The following SLC26A7 variants were observed in gnomAD, a reference collection of about 807,000 sequenced individuals.
SLC26A7 encodes the protein anion exchange transporter.
In SLC26A7, 59 loss-of-function variants were observed where a neutral mutation model predicts 82.5. The observed-to-expected ratio is 0.72, with a 90% confidence interval of 0.58 to 0.89. The LOEUF (loss-of-function observed/expected upper bound fraction) is 0.89, where lower values mean the gene tolerates loss of function less well. Among genes scored for constraint, SLC26A7 ranks in the 40% least tolerant of loss-of-function variants. The pLI, the probability that SLC26A7 is intolerant of heterozygous loss-of-function variation, is 0.00. For synonymous variants in SLC26A7, 271 were observed against 274.3 expected (o/e 0.99, Z 0.12); for missense variants, 820 against 793.0 (o/e 1.03, Z -0.41).
intron 15 of SLC26A7, among the ~76,000 whole-genome samples, chr8:91,386,644 T>C (rs1269952371): frequency 6.6e-6 from 1 of 152,202 alleles, no homozygotes; most frequent in Non-Finnish European, 1.5e-5. Flanking sequence ...AGCAGTGATA[T>C]GCTGGTGAAT....
chr8:91,305,261 T>C (rs1812274158), intron 4 of SLC26A7, among the ~76,000 whole-genome samples: 1 of 152,038 alleles, frequency 6.6e-6, no homozygotes, highest in African/African-American at 2.4e-5. Flanking sequence ...CACCGGAAGA[T>C]AGGGAATGTG....
At chr8:91,264,181 C>G (rs1811046892) in intron 2 of SLC26A7, among the ~76,000 whole-genome samples, 1 of 152,070 alleles carries the variant, frequency 6.6e-6, no homozygotes, top group African/African-American at 2.4e-5. Flanking sequence ...AGGAATCCAC[C>G]TATCACAGGA....
At chr8:91,297,924 G>A (rs1812058637) in intron 4 of SLC26A7, among the ~76,000 whole-genome samples, 1 of 151,966 alleles carries the variant, frequency 6.6e-6, no homozygotes. Flanking sequence ...GAATTATTTA[G>A]GTTAATAAGA....
chr8:91,394,894 G>A, intron 18 of SLC26A7, 168 bp from the exon 19 acceptor site: 1 of 398,754 alleles, frequency 2.5e-6, no homozygotes, highest in Non-Finnish European at 3.4e-6. Context: ...TCAGCAGTTT[G>A]AGTTTGGACC....
intron 2 of SLC26A7, among the ~76,000 whole-genome samples, chr8:91,242,259 T>G (rs1353861046): frequency 2.6e-5 from 4 of 152,204 alleles, no homozygotes; most frequent in Non-Finnish European, 4.4e-5. Context: ...TTTCAGTAAT[T>G]ACTTTGATAT....
chr8:91,273,444 G>A (rs1586348805), intron 2 of SLC26A7, among the ~76,000 whole-genome samples: 1 of 152,312 alleles, frequency 6.6e-6, no homozygotes, highest in Admixed American at 6.5e-5. Flanking sequence ...GAAGAGCGAG[G>A]TGAGAAGATA....
Position 91,303,369 on chromosome 8 carries a change from C to T in SLC26A7, c.477+7666C>T, listed in dbSNP as rs148231423. ...TCTGGGATTGTCCCTTGCCCATTCA[C>T]CTCTGGAAATTTTCCCAAGCTCTAC... On this transcript the variant is annotated intron_variant, in intron 4 of 18. Transcript: ENST00000276609. 3.0e-3 allele frequency among the ~76,000 whole-genome samples: 453 copies of T among 152,262 alleles called. 5 individuals are homozygous for T. Among genetic ancestry groups the T allele is most frequent in the African/African-American group, 0.01 (436 of 41,552 alleles).
chr8:91,375,433 G>A (rs1814483524), intron 15 of SLC26A7, among the ~76,000 whole-genome samples: 1 of 151,930 alleles, frequency 6.6e-6, no homozygotes, highest in Non-Finnish European at 1.5e-5. Context: ...TGGTCTGGTT[G>A]TCCTTAGCAT....
At chr8:91,310,065 T>C (rs1483374265) in intron 4 of SLC26A7, among the ~76,000 whole-genome samples, 1 of 152,000 alleles carries the variant, frequency 6.6e-6, no homozygotes, top group East Asian at 1.9e-4. Flanking sequence ...CTTCTATCTG[T>C]TGGGAGACTT....
chr8:91,275,949 A>G (rs932363290), intron 2 of SLC26A7, among the ~76,000 whole-genome samples: 1 of 152,140 alleles, frequency 6.6e-6, no homozygotes, highest in Non-Finnish European at 1.5e-5. Flanking sequence ...GCTATTGCAC[A>G]CTTATCCTCT....
At chr8:91,279,123 GTGTATATATATATATATATATATA>G (rs1349978045) in intron 2 of SLC26A7, among the ~76,000 whole-genome samples, 6 of 78,766 alleles carry the variant, frequency 7.6e-5, no homozygotes, top group African/African-American at 2.9e-4. Context: ...GTGTGTGTGT[GTGTATATATATATATATATATATA>G]TATATATATA....
intron 2 of SLC26A7, among the ~76,000 whole-genome samples, chr8:91,282,784 C>T (rs2130754921): frequency 6.6e-6 from 1 of 152,284 alleles, no homozygotes; most frequent in South Asian, 2.1e-4. Flanking sequence ...CACATGTGTC[C>T]TTTTTGCTGA....
chr8:91,250,866 G>A (rs1810638781), intron 2 of SLC26A7, among the ~76,000 whole-genome samples: 1 of 152,020 alleles, frequency 6.6e-6, no homozygotes, highest in African/African-American at 2.4e-5. Context: ...ATACTTTATA[G>A]GATTCCATTT....
chr8:91,322,556 T>C (rs1283180817), intron 5 of SLC26A7, among the ~76,000 whole-genome samples: 1 of 152,218 alleles, frequency 6.6e-6, no homozygotes, highest in Non-Finnish European at 1.5e-5. Flanking sequence ...AGTATCTTTT[T>C]ATCAGAAAGG....
At chr8:91,277,590 G>A (rs1811439944) in intron 2 of SLC26A7, among the ~76,000 whole-genome samples, 1 of 152,094 alleles carries the variant, frequency 6.6e-6, no homozygotes, top group South Asian at 2.1e-4. Context: ...TGACATTGAT[G>A]GACATAAAAT....
At chr8:91,295,847 G>C in intron 4 of SLC26A7, 144 bp downstream of exon 4, 1 of 699,104 alleles carries the variant, frequency 1.4e-6, no homozygotes, top group African/African-American at 1.8e-5. Context: ...TGGAAATGCT[G>C]TTTAGAGTCA....
chr8:91,354,579 A>C (rs1586445243), intron 11 of SLC26A7, among the ~76,000 whole-genome samples: 1 of 152,156 alleles, frequency 6.6e-6, no homozygotes, highest in Non-Finnish European at 1.5e-5. Flanking sequence ...TGTATTAGAA[A>C]GGTCACTTGA....
intron 15 of SLC26A7, among the ~76,000 whole-genome samples, chr8:91,388,928 G>A (rs1449588255): frequency 6.6e-6 from 1 of 151,888 alleles, no homozygotes; most frequent in Admixed American, 6.6e-5. Flanking sequence ...GCTCTACTCC[G>A]GGCATACCTA....
At chr8:91,394,742 T>C (rs1355567451) in intron 18 of SLC26A7, 1 of 1,095,600 alleles carries the variant, frequency 9.1e-7, no homozygotes, top group Non-Finnish European at 1.1e-6. Flanking sequence ...ATTCCAGGAA[T>C]ATTCTAAAAG....
Sources: gnomAD v4.1 joint callset for allele counts (sites outside exome capture counted in the v4.1 genomes callset) on GRCh38, gnomAD v4.1.1 for gene constraint, MANE v1.5 for transcripts, NCBI Gene and HGNC (gene_info 2026-07-23, HGNC 2026-07-21) for gene names.